Variants in MDH1B observed in about 807,000 individuals in gnomAD.
MDH1B encodes the protein malate dehydrogenase 1B, also known as putative malate dehydrogenase 1B.
A neutral mutation model predicts 61.4 loss-of-function variants in MDH1B; 60 were observed. That is an observed-to-expected ratio of 0.98 (90% CI 0.79 to 1.21). The LOEUF (loss-of-function observed/expected upper bound fraction) is 1.21. Ranked by LOEUF, MDH1B falls within the 50% of genes most tolerant of loss-of-function variation. The pLI, the probability that MDH1B is intolerant of heterozygous loss-of-function variation, is 0.00. For missense variants in MDH1B, 587 were observed against 632.1 expected (o/e 0.93, Z 0.76); for synonymous variants, 236 against 218.7 (o/e 1.08, Z -0.70).
chr2:206,748,663 C>G (rs1688264148), intron 7 of MDH1B, among the ~76,000 whole-genome samples: 1 of 152,206 alleles, frequency 6.6e-6, no homozygotes, highest in Non-Finnish European at 1.5e-5. Context: ...CTTTATGAAG[C>G]CTGTCCTGGT....
At chr2:206,742,131 C>A (rs1380260018) in intron 9 of MDH1B, among the ~76,000 whole-genome samples, 1 of 152,178 alleles carries the variant, frequency 6.6e-6, no homozygotes, top group Non-Finnish European at 1.5e-5. Flanking sequence ...TGTCTCCTGG[C>A]AGATACTGAG....
intron 1 of MDH1B, among the ~76,000 whole-genome samples, chr2:206,764,903 T>G (rs1689344762): frequency 6.6e-6 from 1 of 152,138 alleles, no homozygotes; most frequent in Non-Finnish European, 1.5e-5. Context: ...CCCCAGCCAG[T>G]TCCTTGTGTC....
chr2:206,765,206 T>C, intron 1 of MDH1B, 44 bp downstream of exon 1: 1 of 1,596,644 alleles, frequency 6.3e-7, no homozygotes, highest in Non-Finnish European at 8.5e-7. Context: ...TGAGCTGTTG[T>C]CGGCGTTTTG....
chr2:206,755,030 T>G lies in MDH1B; in HGVS notation c.889A>C (p.Lys297Gln). Residue 297 changes from lysine (K) to glutamine (Q), a missense_variant, in exon 5 of 12, where the codon AAA becomes CAA. Transcript: ENST00000374412. The stretch of plus-strand genomic sequence containing the variant: ...TCACATGAAGGAGCTGTCTTCAGTT[T>G]TCTGGCCAGTATGGCTTTCGCTTCA... ...EGEAKAILAR[K>Q]LKTAPSYIKD... The G allele has an allele frequency of 6.2e-7, 1 of 1,613,276 alleles. No individual in the cohort carries two copies. Among genetic ancestry groups the G allele is most frequent in the Non-Finnish European group, 8.5e-7 (1 of 1,179,230 alleles).
chr2:206,749,097 C>T lies in MDH1B; in HGVS notation c.1139G>A (p.Ser380Asn). The change falls in exon 7 of 12, where the codon AGT becomes AAT. Residue 380 changes from serine to asparagine, a missense_variant. Transcript: ENST00000374412. ...RQFGGILAAH[S>N]IATTLKYWYH... The stretch of plus-strand genomic sequence containing the variant: ...CCAGTATTTCAGTGTAGTGGCTATA[C>T]TGTGTGCAGCCAAAATGCCTCCAAA... 1.2e-6 allele frequency: 2 copies of T among 1,614,086 alleles called. No individual in the cohort carries two copies. Among genetic ancestry groups the T allele is most frequent in the East Asian group, 2.2e-5 (1 of 44,876 alleles).
At chr2:206,762,024 C>T (rs1354131200) in intron 1 of MDH1B, among the ~76,000 whole-genome samples, 2 of 152,146 alleles carry the variant, frequency 1.3e-5, no homozygotes, top group Non-Finnish European at 2.9e-5. Flanking sequence ...TAGCTGGGTC[C>T]TACCTGCTAG....
At chr2:206,762,700 C>G (rs1325336117) in intron 1 of MDH1B, among the ~76,000 whole-genome samples, 7 of 152,120 alleles carry the variant, frequency 4.6e-5, no homozygotes, top group Non-Finnish European at 8.8e-5. Flanking sequence ...ATTTCTCACC[C>G]ACTGCAATGT....
rs754505796 is a variant in MDH1B at position 206,755,241 on chromosome 2, C to T, written c.678G>A (p.Glu226=). The T allele has an allele frequency of 6.2e-7, 1 of 1,614,210 alleles. No individual in the cohort carries two copies. The highest frequency in any genetic ancestry group is 8.5e-7 in the Non-Finnish European group (1 of 1,180,036). Residue 226 remains glutamate (E), a synonymous_variant, in exon 5 of 12, where the codon GAG becomes GAA. Coordinates refer to ENST00000374412, the MANE Select transcript of MDH1B (RefSeq NM_001039845.3). ...DSTNKEVFTL[E]DCLRSRVPLC... is the part of the protein sequence containing the mutation. ...GAGGCACCCTGCTTCGGAGGCAGTC[C>T]TCCAGAGTGAACACCTCCTTGTTGG...
At chr2:206,744,884 CACT>C (rs1288356332) in intron 9 of MDH1B, among the ~76,000 whole-genome samples, 1 of 151,928 alleles carries the variant, frequency 6.6e-6, no homozygotes, top group Non-Finnish European at 1.5e-5. Flanking sequence ...GAGATGGCAC[CACT>C]GCACTTCAGT....
intron 9 of MDH1B, among the ~76,000 whole-genome samples, chr2:206,745,064 C>A (rs976287571): frequency 2.6e-5 from 4 of 151,838 alleles, no homozygotes; most frequent in Non-Finnish European, 5.9e-5. Context: ...TGGTTTAGGG[C>A]AGGTCTTGAA....
At chr2:206,743,153 G>T (rs1559332185) in intron 9 of MDH1B, among the ~76,000 whole-genome samples, 1 of 152,172 alleles carries the variant, frequency 6.6e-6, no homozygotes, top group Non-Finnish European at 1.5e-5. Context: ...TAGGGACTTG[G>T]CGTTTAATGT....
intron 4 of MDH1B, chr2:206,756,629 T>C: frequency 2.6e-6 from 1 of 379,612 alleles, no homozygotes. Context: ...GGTGAGCTTC[T>C]GCAAAGCAGC....
intron 1 of MDH1B, among the ~76,000 whole-genome samples, chr2:206,761,715 A>G: frequency 6.6e-6 from 1 of 152,098 alleles, no homozygotes; most frequent in East Asian, 1.9e-4. Context: ...AACACCCAGG[A>G]AGTTAAAGCC....
At chr2:206,743,314 G>T (rs1687921916) in intron 9 of MDH1B, among the ~76,000 whole-genome samples, 1 of 152,174 alleles carries the variant, frequency 6.6e-6, no homozygotes, top group Non-Finnish European at 1.5e-5. Flanking sequence ...GCATCTGACA[G>T]TGTAGAACAG....
intron 10 of MDH1B, among the ~76,000 whole-genome samples, 158 bp downstream of exon 10, chr2:206,740,896 T>C (rs1416923857): frequency 1.3e-5 from 2 of 152,214 alleles, no homozygotes; most frequent in Non-Finnish European, 2.9e-5. Context: ...AGTTGACATT[T>C]TTATGCCCAT....
rs935498634 is a variant in MDH1B at position 206,756,078 on chromosome 2, A to C, written c.414-573T>G. The stretch of plus-strand genomic sequence containing the variant: ...TCAGCTGTGAACTGTAATGCCCACC[A>C]TGGGAAGTTCAGAAATGCATCCGGG... On this transcript the variant is annotated intron_variant, in intron 4 of 11. Transcript: ENST00000374412. Among the ~76,000 whole-genome samples the C allele has an allele frequency of 3.3e-5, 5 of 152,252 alleles. No individual in the cohort carries two copies. The East Asian group carries it at 9.7e-4, about 29-fold the overall frequency.
chr2:206,738,412 G>T lies in MDH1B; in HGVS notation c.*71C>A. On this transcript the variant is annotated 3_prime_UTR_variant, in exon 12 of 12. Transcript: ENST00000374412. ...TTCAAATTATTCTTCCTTAAATATA[G>T]ACATTCATATAAATTCTTTCTATGT... is the stretch of plus-strand genomic sequence containing the variant. 1 of 1,121,962 alleles carries T rather than the reference G, an allele frequency of 8.9e-7. No homozygotes were observed. Among genetic ancestry groups the T allele is most frequent in the South Asian group, 1.6e-5 (1 of 64,068 alleles). The allele number at this position is 1,121,962 out of a possible 1,614,324, so 69.5% of individuals were successfully genotyped here.
chr2:206,754,972 A>G, intron 5 of MDH1B, 37 bp downstream of exon 5: 1 of 1,586,850 alleles, frequency 6.3e-7, no homozygotes, highest in Non-Finnish European at 8.6e-7. Context: ...ATGTTGTTTC[A>G]AAATAAAAAC....
intron 5 of MDH1B, 35 bp from the exon 6 acceptor site, chr2:206,751,110 A>C: frequency 7.1e-7 from 1 of 1,415,706 alleles, no homozygotes; most frequent in Non-Finnish European, 9.5e-7. Context: ...AAATAATAAT[A>C]ATGTATGTTA....
Sources: allele counts gnomAD v4.1 joint callset (sites outside exome capture counted in the v4.1 genomes callset), GRCh38; gene constraint gnomAD v4.1.1; transcripts MANE v1.5; gene names NCBI Gene and HGNC (gene_info 2026-07-23, HGNC 2026-07-21).